The following ZMIZ1 variants were observed in gnomAD, a reference collection of about 807,000 sequenced individuals.
ZMIZ1 encodes zinc finger MIZ-type containing 1.
Under a neutral mutation model 113.9 loss-of-function variants are expected in ZMIZ1, and 17 were observed. The observed-to-expected ratio is 0.15, with a 90% CI of 0.10 to 0.22. The LOEUF (loss-of-function observed/expected upper bound fraction) is 0.22. Ranked by LOEUF, ZMIZ1 falls within the 10% of genes least tolerant of loss-of-function variation. ZMIZ1 has a pLI of 1.00. For missense variants in ZMIZ1, 1,059 were observed against 1,477.8 expected (o/e 0.72, Z 4.65); for synonymous variants, 607 against 603.1 (o/e 1.01, Z -0.09).
chr10:79,267,110 G>C (rs1168503178), intron 7 of ZMIZ1, among the ~76,000 whole-genome samples: 6 of 152,244 alleles, frequency 3.9e-5, no homozygotes, highest in Non-Finnish European at 7.3e-5. Context: ...CCAGCCTCCT[G>C]GCACTGCTTG....
intron 4 of ZMIZ1, among the ~76,000 whole-genome samples, chr10:79,193,902 G>A (rs1338959498): frequency 1.3e-5 from 2 of 152,196 alleles, no homozygotes; most frequent in Non-Finnish European, 2.9e-5. Flanking sequence ...GGGCCAGGCC[G>A]AAAAGGATCC....
intron 4 of ZMIZ1, among the ~76,000 whole-genome samples, chr10:79,190,088 G>A (rs931643438): frequency 3.9e-5 from 6 of 152,190 alleles, no homozygotes; most frequent in African/African-American, 1.4e-4. Flanking sequence ...GGGAGCTGTG[G>A]GGGCTGCCCA....
At chr10:79,269,176 G>A (rs1197181901) in intron 7 of ZMIZ1, among the ~76,000 whole-genome samples, 9 of 152,104 alleles carry the variant, frequency 5.9e-5, no homozygotes, top group Non-Finnish European at 1.0e-4. Flanking sequence ...CCCCCGCTGC[G>A]GAGTGGCGCC....
At position 79,069,360 on chromosome 10, in the gene ZMIZ1, G is replaced by A. The variant is rs975614353; in HGVS notation, c.-337+90G>A. 2 of 150,526 alleles carry A rather than the reference G, an allele frequency of 1.3e-5. No individual in the cohort carries two copies. Among genetic ancestry groups the A allele is most frequent in the African/African-American group, 2.4e-5 (1 of 41,230 alleles). 9.3% of individuals were successfully genotyped at this position (150,526 alleles called of 1,614,324 possible). ...CTCGGGGTGCAAGCGTGGGGATTGGGTGCTGGGGTTTTTCCCTTAAAGTGT... is the reference window on the plus strand; with the variant it reads ...CTCGGGGTGCAAGCGTGGGGATTGGATGCTGGGGTTTTTCCCTTAAAGTGT... On this transcript the variant is annotated intron_variant, in intron 1 of 24. Coordinates refer to ENST00000334512, the MANE Select transcript of ZMIZ1 (RefSeq NM_020338.4). This position sits in a 1 kb window ranked among gnomAD's most constrained non-coding sequence, Gnocchi z 4.6.
At chr10:79,266,766 C>A (rs1397865955) in intron 7 of ZMIZ1, among the ~76,000 whole-genome samples, 1 of 152,188 alleles carries the variant, frequency 6.6e-6, no homozygotes, top group African/African-American at 2.4e-5. Flanking sequence ...GGCCCCTTTT[C>A]CTATTTCTGG....
intron 12 of ZMIZ1, chr10:79,293,883 TGAG>T: frequency 3.1e-6 from 2 of 649,834 alleles, no homozygotes; most frequent in Non-Finnish European, 5.3e-6. Flanking sequence ...TTGAGGGACT[TGAG>T]GAGGTGTCCG....
chr10:79,116,087 C>T (rs897833345), intron 1 of ZMIZ1, among the ~76,000 whole-genome samples: 2 of 151,902 alleles, frequency 1.3e-5, no homozygotes, highest in Non-Finnish European at 2.9e-5. Flanking sequence ...GGAGTATAAT[C>T]CCCCCGTAAG....
intron 1 of ZMIZ1, among the ~76,000 whole-genome samples, chr10:79,072,970 C>G (rs887533851): frequency 6.6e-6 from 1 of 152,142 alleles, no homozygotes; most frequent in Admixed American, 6.5e-5. Flanking sequence ...CTGTAAGCTC[C>G]GGGGCGTTCT....
chr10:79,297,206 T>C (rs1029393950), intron 13 of ZMIZ1, among the ~76,000 whole-genome samples: 31 of 152,368 alleles, frequency 2.0e-4, no homozygotes, highest in Non-Finnish European at 4.0e-4. Context: ...TTTTTCACTT[T>C]AGAAATAACA....
chr10:79,112,136 G>A (rs1379024974), intron 1 of ZMIZ1, among the ~76,000 whole-genome samples: 1 of 152,212 alleles, frequency 6.6e-6, no homozygotes, highest in African/African-American at 2.4e-5. Flanking sequence ...TGAAGATTTG[G>A]CAGTGGGACG....
At chr10:79,183,863 T>TG (rs1847237237) in intron 4 of ZMIZ1, among the ~76,000 whole-genome samples, 1 of 152,200 alleles carries the variant, frequency 6.6e-6, no homozygotes, top group South Asian at 2.1e-4. Context: ...GGCTGGGTTT[T>TG]GGGGTCAGAC....
At chr10:79,195,704 G>C (rs774305842) in intron 4 of ZMIZ1, among the ~76,000 whole-genome samples, 3 of 152,220 alleles carry the variant, frequency 2.0e-5, no homozygotes, top group Non-Finnish European at 4.4e-5. Flanking sequence ...GATTTGGGCA[G>C]GTTGGGTGGA....
intron 1 of ZMIZ1, among the ~76,000 whole-genome samples, chr10:79,109,908 T>C (rs909208176): frequency 6.6e-6 from 1 of 152,240 alleles, no homozygotes; most frequent in African/African-American, 2.4e-5. Context: ...AGTCTCCCCA[T>C]CTGTAAGATG....
chr10:79,079,748 G>T (rs1341855419), intron 1 of ZMIZ1, among the ~76,000 whole-genome samples: 1 of 152,200 alleles, frequency 6.6e-6, no homozygotes, highest in Non-Finnish European at 1.5e-5. Context: ...CCTACTAGGG[G>T]TGTTGGGATT....
intron 2 of ZMIZ1, among the ~76,000 whole-genome samples, chr10:79,127,613 CAG>C (rs1317525664): frequency 2.6e-5 from 4 of 152,100 alleles, no homozygotes; most frequent in African/African-American, 9.7e-5. Flanking sequence ...GAACTGGAGT[CAG>C]AGAAGAGAAG....
intron 7 of ZMIZ1, among the ~76,000 whole-genome samples, chr10:79,257,233 AG>A (rs1295213585): frequency 6.6e-6 from 1 of 152,234 alleles, no homozygotes; most frequent in African/African-American, 2.4e-5. Flanking sequence ...GGGACCCCAG[AG>A]CCCTCAGATT....
At chr10:79,083,028 C>T (rs1372053332) in intron 1 of ZMIZ1, among the ~76,000 whole-genome samples, 3 of 152,236 alleles carry the variant, frequency 2.0e-5, no homozygotes, top group Admixed American at 2.0e-4. Context: ...GTGCCAGGCA[C>T]TCTTCCAGGC....
At chr10:79,097,263 C>T (rs940778037) in intron 1 of ZMIZ1, among the ~76,000 whole-genome samples, 5 of 152,216 alleles carry the variant, frequency 3.3e-5, no homozygotes, top group African/African-American at 7.2e-5. Flanking sequence ...CACCGGCCAC[C>T]TCCATCTTTG....
intron 7 of ZMIZ1, among the ~76,000 whole-genome samples, chr10:79,259,953 CCT>C (rs1199632511): frequency 6.6e-6 from 1 of 152,176 alleles, no homozygotes; most frequent in Non-Finnish European, 1.5e-5. Flanking sequence ...TTTTGCTCCC[CCT>C]CTCTCCACTC....
Sources: gnomAD v4.1 joint callset for allele counts (sites outside exome capture counted in the v4.1 genomes callset) on GRCh38, gnomAD v4.1.1 for gene constraint, Gnocchi (gnomAD v3.1) non-coding constraint, MANE v1.5 for transcripts, NCBI Gene and HGNC (gene_info 2026-07-23, HGNC 2026-07-21) for gene names.